GABRB2: variants seen among roughly 807,000 people sequenced by gnomAD.
The protein encoded by GABRB2 is gamma-aminobutyric acid type A receptor subunit beta2, also known as gamma-aminobutyric acid receptor subunit beta-2.
GABRB2 carries 16 observed loss-of-function variants against 54.7 expected under a neutral mutation model. That is an observed-to-expected ratio of 0.29 (90% confidence interval 0.20 to 0.44). The LOEUF (loss-of-function observed/expected upper bound fraction) is 0.44, where lower values mean the gene tolerates loss of function less well. GABRB2 is among the 20% of genes least tolerant of loss of function. GABRB2 has a pLI of 1.00. For synonymous variants in GABRB2, 244 were observed against 233.8 expected, an observed-to-expected ratio of 1.04 and a Z score of -0.40; for missense variants, 355 against 644.0, an observed-to-expected ratio of 0.55 and a Z score of 4.86.
At chr5:161,349,617 G>T (rs111413659) in intron 5 of GABRB2, among the ~76,000 whole-genome samples, 31 of 152,194 alleles carry the variant, frequency 2.0e-4, no homozygotes, top group African/African-American at 7.5e-4. Context: ...TTCTGTCCAG[G>T]ATTTCCTTGC....
rs1758061524 is a variant in GABRB2, at chr5:161,459,671, G to A, written c.411C>T (p.Asn137=). The change falls in exon 4 of 10, where the codon AAC becomes AAT. Residue 137 remains asparagine, a synonymous_variant. Coordinates refer to ENST00000393959, the MANE Select transcript of GABRB2 (RefSeq NM_001371727.1). The stretch of plus-strand genomic sequence containing the variant: ...CATCAGGATGCAGGCGAATCATGCG[G>A]TTCTTAACAGTCACTCCGTGCACAA... ...KSFVHGVTVK[N]RMIRLHPDGT... The A allele has an allele frequency of 6.2e-7, 1 of 1,614,180 alleles. No individual in the cohort carries two copies. The highest frequency in any genetic ancestry group is 8.5e-7 in the Non-Finnish European group (1 of 1,180,026).
At chr5:161,431,871 T>C (rs1004208165) in intron 4 of GABRB2, among the ~76,000 whole-genome samples, 11 of 152,216 alleles carry the variant, frequency 7.2e-5, no homozygotes, top group African/African-American at 2.7e-4. Context: ...AAGATTTAAG[T>C]AGATACTGAA....
intron 4 of GABRB2, among the ~76,000 whole-genome samples, chr5:161,429,996 A>G (rs1757130507): frequency 6.6e-6 from 1 of 152,214 alleles, no homozygotes; most frequent in Non-Finnish European, 1.5e-5. Context: ...TTAAAACGAA[A>G]TGTCCTAATT....
chr5:161,449,045 G>C (rs1281447130), intron 4 of GABRB2, among the ~76,000 whole-genome samples: 1 of 152,088 alleles, frequency 6.6e-6, no homozygotes. Context: ...TTCTTTTTAA[G>C]GGACCTTGGA....
intron 9 of GABRB2, among the ~76,000 whole-genome samples, chr5:161,306,456 T>C (rs1201554108): frequency 6.6e-6 from 1 of 152,212 alleles, no homozygotes; most frequent in Non-Finnish European, 1.5e-5. Flanking sequence ...CTCCTCTTGT[T>C]TTTTATTTAT....
chr5:161,382,194 C>G (rs1755489568), intron 5 of GABRB2, among the ~76,000 whole-genome samples: 1 of 152,176 alleles, frequency 6.6e-6, no homozygotes, highest in Admixed American at 6.5e-5. Context: ...CAGAGGAAAG[C>G]AAATGTCAGG....
intron 3 of GABRB2, among the ~76,000 whole-genome samples, chr5:161,464,996 T>C (rs927136185): frequency 6.6e-6 from 1 of 152,058 alleles, no homozygotes; most frequent in African/African-American, 2.4e-5. Context: ...TAGGCATTTG[T>C]CAAAACTCAG....
chr5:161,379,165 G>C (rs1345442437), intron 5 of GABRB2, among the ~76,000 whole-genome samples: 1 of 152,170 alleles, frequency 6.6e-6, no homozygotes, highest in African/African-American at 2.4e-5. Flanking sequence ...GAGGTCTTCA[G>C]GAGCTGGTGC....
At chr5:161,338,726 C>T (rs371132928) in intron 5 of GABRB2, among the ~76,000 whole-genome samples, 2 of 151,984 alleles carry the variant, frequency 1.3e-5, no homozygotes, top group Admixed American at 6.6e-5. Context: ...TTTGAGGTTG[C>T]GGTGAGCTAT....
At chr5:161,536,107 A>C (rs1581066553) in intron 3 of GABRB2, among the ~76,000 whole-genome samples, 1 of 152,250 alleles carries the variant, frequency 6.6e-6, no homozygotes, top group Non-Finnish European at 1.5e-5. Context: ...TGAACCAAAT[A>C]AACTTCTTTT....
chr5:161,506,850 T>C (rs1759621749), intron 3 of GABRB2, among the ~76,000 whole-genome samples: 1 of 152,098 alleles, frequency 6.6e-6, no homozygotes, highest in South Asian at 2.1e-4. Flanking sequence ...AGGTCAATCT[T>C]TGTAAACAAA....
intron 3 of GABRB2, among the ~76,000 whole-genome samples, chr5:161,534,415 G>T (rs1245203904): frequency 6.6e-6 from 1 of 152,064 alleles, no homozygotes. Context: ...TCCTTCCCAA[G>T]AAAAATACTT....
chr5:161,546,249 G>T, intron 2 of GABRB2, 73 bp downstream of exon 2: 1 of 1,210,880 alleles, frequency 8.3e-7, no homozygotes, highest in Non-Finnish European at 1.2e-6. Context: ...TAGGGAGAGG[G>T]AAGAGAGCGC....
chr5:161,503,070 G>C (rs1007111826), intron 3 of GABRB2, among the ~76,000 whole-genome samples: 2 of 150,880 alleles, frequency 1.3e-5, no homozygotes, highest in Admixed American at 1.3e-4. Flanking sequence ...AAGAAAATGA[G>C]ACTGATAAAT....
intron 5 of GABRB2, among the ~76,000 whole-genome samples, chr5:161,404,953 A>G (rs1334732652): frequency 6.6e-6 from 1 of 152,076 alleles, no homozygotes; most frequent in Non-Finnish European, 1.5e-5. Context: ...TTCCCAGCAA[A>G]TGGTTTTACA....
At chr5:161,459,461 A>G in intron 4 of GABRB2, 163 bp downstream of exon 4, 1 of 639,386 alleles carries the variant, frequency 1.6e-6, no homozygotes, top group South Asian at 1.9e-5. Flanking sequence ...TTCCTTTGTA[A>G]GCATGCTACC....
chr5:161,523,052 T>G (rs1760167471), intron 3 of GABRB2, among the ~76,000 whole-genome samples: 1 of 151,566 alleles, frequency 6.6e-6, no homozygotes, highest in African/African-American at 2.4e-5. Context: ...TTTTGGAATC[T>G]TTTGAGCTTG....
intron 5 of GABRB2, among the ~76,000 whole-genome samples, chr5:161,344,808 T>C (rs1051830820): frequency 6.6e-6 from 1 of 152,010 alleles, no homozygotes. Flanking sequence ...TGCCAATCAA[T>C]GGATAGACTG....
At chr5:161,475,892 A>C (rs533840737) in intron 3 of GABRB2, among the ~76,000 whole-genome samples, 3 of 152,100 alleles carry the variant, frequency 2.0e-5, no homozygotes, top group Admixed American at 2.0e-4. Context: ...GATCAAAACA[A>C]GACAAAGATG....
Sources: gnomAD v4.1 joint callset for allele counts (sites outside exome capture counted in the v4.1 genomes callset) on GRCh38, gnomAD v4.1.1 for gene constraint, MANE v1.5 for transcripts, NCBI Gene and HGNC (gene_info 2026-07-23, HGNC 2026-07-21) for gene names.